The following NBEAL1 variants were observed in gnomAD, a reference collection of about 807,000 sequenced individuals.
NBEAL1 encodes the protein neurobeachin like 1.
In NBEAL1, 273 loss-of-function variants were observed where a neutral mutation model predicts 351.3. That is an observed-to-expected ratio of 0.78 (90% CI 0.70 to 0.86). The LOEUF (loss-of-function observed/expected upper bound fraction) is 0.86, where lower values mean the gene tolerates loss of function less well. Among genes scored for constraint, NBEAL1 ranks in the 40% least tolerant of loss-of-function variants. NBEAL1 has a pLI of 0.00. For missense variants in NBEAL1, 2,961 were observed against 3,201.3 expected (o/e 0.92, Z 1.81); for synonymous variants, 1,050 against 1,086.4 (o/e 0.97, Z 0.66).
At chr2:203,123,694 G>A (rs1021097797) in intron 19 of NBEAL1, among the ~76,000 whole-genome samples, 8 of 152,082 alleles carry the variant, frequency 5.3e-5, no homozygotes, top group African/African-American at 1.9e-4. Context: ...CACTTCATAA[G>A]TTAACTTTTG....
intron 7 of NBEAL1, among the ~76,000 whole-genome samples, chr2:203,077,333 G>A (rs1015097458): frequency 6.6e-6 from 1 of 151,892 alleles, no homozygotes; most frequent in African/African-American, 2.4e-5. Flanking sequence ...TCACACCACT[G>A]CACTCCAGCC....
At chr2:203,160,741 T>C (rs1364923335) in intron 36 of NBEAL1, among the ~76,000 whole-genome samples, 2 of 152,210 alleles carry the variant, frequency 1.3e-5, no homozygotes, top group African/African-American at 4.8e-5. Flanking sequence ...CCGAACTAAT[T>C]CTGTAGAGCC....
intron 18 of NBEAL1, among the ~76,000 whole-genome samples, chr2:203,118,105 G>A (rs765518787): frequency 2.0e-5 from 3 of 152,130 alleles, no homozygotes; most frequent in Non-Finnish European, 2.9e-5. Context: ...CAAAAGAATG[G>A]TAAAGTGATA....
At chr2:203,039,959 A>G (rs987939586) in intron 2 of NBEAL1, 29 of 494,024 alleles carry the variant, frequency 5.9e-5, no homozygotes, top group Non-Finnish European at 1.0e-4. Context: ...ATAAAGGACC[A>G]TGGTGGAGGG....
chr2:203,212,774 A>G (rs1575139910), intron 54 of NBEAL1, among the ~76,000 whole-genome samples: 1 of 152,290 alleles, frequency 6.6e-6, no homozygotes, highest in African/African-American at 2.4e-5. Flanking sequence ...ATGAAGGATT[A>G]GTAGGAATTA....
intron 35 of NBEAL1, among the ~76,000 whole-genome samples, chr2:203,155,433 T>G (rs1308081556): frequency 6.6e-6 from 1 of 151,640 alleles, no homozygotes; most frequent in African/African-American, 2.4e-5. Context: ...TTTTCCTTTT[T>G]TTGTTTGTTT....
intron 31 of NBEAL1, among the ~76,000 whole-genome samples, chr2:203,141,076 A>T (rs1399398538): frequency 6.6e-6 from 1 of 151,964 alleles, no homozygotes; most frequent in South Asian, 2.1e-4. Flanking sequence ...TCAACCTAGA[A>T]GTAGAATGAG....
chr2:203,070,138 G>A (rs1333522025), intron 7 of NBEAL1, among the ~76,000 whole-genome samples: 4 of 151,570 alleles, frequency 2.6e-5, no homozygotes, highest in Admixed American at 1.3e-4. Flanking sequence ...ATTAAGTAGA[G>A]GAAGTCTTAT....
At chr2:203,119,400 T>A (rs1288234975) in intron 18 of NBEAL1, among the ~76,000 whole-genome samples, 7 of 146,082 alleles carry the variant, frequency 4.8e-5, no homozygotes, top group Admixed American at 1.4e-4. Context: ...ATTACAGGCG[T>A]GAGCCACTGC....
chr2:203,181,861 A>G (rs538959132), intron 43 of NBEAL1: 14 of 152,220 alleles, frequency 9.2e-5, no homozygotes, highest in African/African-American at 3.4e-4. Context: ...ATTGGACTGG[A>G]TTCTTCTAAA....
chr2:203,213,747 A>T lies in NBEAL1; in HGVS notation c.8070+94A>T. The T allele has an allele frequency of 1.0e-5, 16 of 1,550,406 alleles. No individual in the cohort carries two copies. In the South Asian group the frequency reaches 2.0e-4, roughly 19 times the overall value. On this transcript the variant is annotated intron_variant, in intron 55 of 55. Transcript: ENST00000683969. ...ACTGATTGAGAAGTCACCATTAGGG[A>T]TAAACAAATTAAAAGCCAAATTTGA...
At chr2:203,070,335 G>A (rs1485832888) in intron 7 of NBEAL1, among the ~76,000 whole-genome samples, 2 of 123,756 alleles carry the variant, frequency 1.6e-5, no homozygotes, top group Non-Finnish European at 3.4e-5. Flanking sequence ...TAATTAACTT[G>A]TATTTCTCTC....
At chr2:203,140,091 C>A (rs868733827) in intron 31 of NBEAL1, among the ~76,000 whole-genome samples, 1 of 151,412 alleles carries the variant, frequency 6.6e-6, no homozygotes, top group South Asian at 2.1e-4. Flanking sequence ...ACCTGAGGTC[C>A]GAAGTTTGAG....
intron 14 of NBEAL1, among the ~76,000 whole-genome samples, chr2:203,108,548 G>A (rs1283095308): frequency 6.6e-6 from 1 of 151,710 alleles, no homozygotes; most frequent in Non-Finnish European, 1.5e-5. Flanking sequence ...ACAGGCACCC[G>A]CCACCACGCC....
chr2:203,183,407 G>T lies in NBEAL1; in HGVS notation c.6705+19G>T. ...AGCTTTGGTAAGAGTTTTGCATTTA[G>T]TTATTTGACAGAATAATAAGATAAA... On this transcript the variant is annotated intron_variant, in intron 44 of 55. Coordinates refer to ENST00000683969, the MANE Select transcript of NBEAL1 (RefSeq NM_001378026.1). 1 of 1,320,840 alleles carries T rather than the reference G, an allele frequency of 7.6e-7. No homozygotes were observed. Among genetic ancestry groups the T allele is most frequent in the Non-Finnish European group, 1.1e-6 (1 of 940,646 alleles). 81.8% of individuals were successfully genotyped at this position (1,320,840 alleles called of 1,614,324 possible).
Position 203,083,433 on chromosome 2 carries a change from A to G in NBEAL1, c.899A>G (p.Lys300Arg). Residue 300 changes from lysine (K) to arginine (R), a missense_variant, in exon 9 of 56, where the codon AAA becomes AGA. Transcript: ENST00000683969. ...AGTACTATTCTGGAGAACTATTTTAAATTGCTAAATTCAGATCATTCAGCT... is the reference window on the plus strand; with the variant it reads ...AGTACTATTCTGGAGAACTATTTTAGATTGCTAAATTCAGATCATTCAGCT... ...ETSTILENYFKLLNSDHSALP... is the reference protein window; with the variant it reads ...ETSTILENYFRLLNSDHSALP... 6.4e-7 allele frequency: 1 copy of G among 1,553,658 alleles called. No individual in the cohort carries two copies. Among genetic ancestry groups the G allele is most frequent in the Non-Finnish European group, 8.7e-7 (1 of 1,147,424 alleles).
chr2:203,179,145 C>T (rs1201595677), intron 42 of NBEAL1, among the ~76,000 whole-genome samples: 1 of 152,080 alleles, frequency 6.6e-6, no homozygotes, highest in East Asian at 1.9e-4. Context: ...ACCTTAGACT[C>T]AAGGCCATTA....
At chr2:203,118,992 T>A (rs1324812685) in intron 18 of NBEAL1, among the ~76,000 whole-genome samples, 1 of 151,558 alleles carries the variant, frequency 6.6e-6, no homozygotes, top group African/African-American at 2.4e-5. Context: ...CCATTGAAAG[T>A]AAAAAATTCT....
chr2:203,110,637 G>T (rs2062545620), intron 15 of NBEAL1, among the ~76,000 whole-genome samples: 1 of 150,378 alleles, frequency 6.6e-6, no homozygotes, highest in Non-Finnish European at 1.5e-5. Context: ...TGGTGCCACT[G>T]TACTCCAGCC....
Sources: gnomAD v4.1 joint callset for allele counts (sites outside exome capture counted in the v4.1 genomes callset) on GRCh38, gnomAD v4.1.1 for gene constraint, MANE v1.5 for transcripts, NCBI Gene and HGNC (gene_info 2026-07-23, HGNC 2026-07-21) for gene names.